The following SREBF2 variants were observed in gnomAD, a reference collection of about 807,000 sequenced individuals.
SREBF2 encodes the protein sterol regulatory element binding transcription factor 2, also known as sterol regulatory element-binding protein 2.
SREBF2 carries 55 observed loss-of-function variants against 113.1 expected under a neutral mutation model. The observed-to-expected ratio is 0.49, with a 90% CI of 0.39 to 0.61. SREBF2 has a LOEUF of 0.61. SREBF2 is among the 20% of genes least tolerant of loss of function. The probability of loss-of-function intolerance (pLI) is 0.00; values close to 1 mark genes in which losing one functional copy is unlikely to be tolerated. For synonymous variants in SREBF2, 593 were observed against 605.7 expected, an observed-to-expected ratio of 0.98 and a Z score of 0.31; for missense variants, 1,349 against 1,487.4, an observed-to-expected ratio of 0.91 and a Z score of 1.53.
At chr22:41,879,757 A>G (rs769481432) in intron 9 of SREBF2, among the ~76,000 whole-genome samples, 14 of 152,176 alleles carry the variant, frequency 9.2e-5, no homozygotes, top group Admixed American at 2.0e-4. Context: ...TCCCAAGACT[A>G]TATAGCCTGT....
At position 41,906,161 on chromosome 22, in the gene SREBF2, C is replaced by CAACTT. The variant is rs2077507102; in HGVS notation, c.*501_*502insAACTT. On this transcript the variant is annotated 3_prime_UTR_variant, in exon 19 of 19. Transcript: ENST00000361204. ...ATGATGCGAGGCTGAGTTGCTGTAG[C>CAACTT]GTCTTGATTCTCTCCCTGGGTCTGC... 4 of 370,280 alleles carry CAACTT rather than the reference C, an allele frequency of 1.1e-5. No individual in the cohort carries two copies. The highest frequency in any genetic ancestry group is 2.1e-5 in the African/African-American group (1 of 47,134). The allele number at this position is 370,280 out of a possible 1,614,324, so 22.9% of individuals were successfully genotyped here. A position where few individuals can be genotyped will look rare whatever the true frequency, so the allele number is the denominator to read the frequency against.
At chr22:41,881,029 G>A (rs757737120) in intron 10 of SREBF2, 37 bp downstream of exon 10, 2 of 1,596,854 alleles carry the variant, frequency 1.3e-6, no homozygotes, top group South Asian at 1.1e-5. Flanking sequence ...CTTGCTGCAA[G>A]GCATCTCATG....
At chr22:41,904,836 A>T in intron 17 of SREBF2, 27 bp from the exon 18 acceptor site, 3 of 1,546,678 alleles carry the variant, frequency 1.9e-6, no homozygotes, top group Non-Finnish European at 2.6e-6. Context: ...CAGGGGTGTG[A>T]TGGATGTCAC....
intron 1 of SREBF2, among the ~76,000 whole-genome samples, chr22:41,844,027 A>C (rs954939689): frequency 2.2e-5 from 1 of 45,910 alleles, no homozygotes; most frequent in African/African-American, 7.5e-5. Context: ...AAAAAAAAAA[A>C]ATACATACAC....
chr22:41,885,171 C>G (rs1324621103), intron 11 of SREBF2, among the ~76,000 whole-genome samples, 160 bp downstream of exon 11: 1 of 152,226 alleles, frequency 6.6e-6, no homozygotes, highest in East Asian at 1.9e-4. Context: ...CCAGGACTCC[C>G]AGCAACCGAT....
At chr22:41,882,597 GGAGTTCGA>G (rs2148398611) in intron 10 of SREBF2, among the ~76,000 whole-genome samples, 1 of 152,358 alleles carries the variant, frequency 6.6e-6, no homozygotes, top group Admixed American at 6.5e-5. Context: ...CCTGAGGTCA[GGAGTTCGA>G]GACCTGCCTG....
At chr22:41,878,541 A>C (rs2077218128) in intron 9 of SREBF2, 1 of 598,012 alleles carries the variant, frequency 1.7e-6, no homozygotes, top group Non-Finnish European at 2.7e-6. Context: ...GTCTAGGCCC[A>C]AATTGGAGAG....
chr22:41,863,088 T>C (rs184329694), intron 1 of SREBF2, among the ~76,000 whole-genome samples: 141 of 152,174 alleles, frequency 9.3e-4, no homozygotes, highest in Non-Finnish European at 1.6e-3. Context: ...GCTCTGGAAG[T>C]ACCGCCAACA....
chr22:41,849,637 C>T (rs2076908715), intron 1 of SREBF2, among the ~76,000 whole-genome samples: 1 of 152,130 alleles, frequency 6.6e-6, no homozygotes, highest in Non-Finnish European at 1.5e-5. Context: ...AAAATGTATA[C>T]TTAAAAAGAG....
intron 1 of SREBF2, among the ~76,000 whole-genome samples, chr22:41,844,043 C>CAA (rs2076855321): frequency 7.0e-6 from 1 of 143,554 alleles, no homozygotes. Flanking sequence ...TACACACACA[C>CAA]ACACACACAC....
intron 2 of SREBF2, among the ~76,000 whole-genome samples, chr22:41,867,853 T>C (rs1213749973): frequency 6.6e-6 from 1 of 151,952 alleles, no homozygotes; most frequent in Non-Finnish European, 1.5e-5. Flanking sequence ...CACAGGGCCA[T>C]TCTGATAACT....
At chr22:41,839,467 A>G (rs1056434922) in intron 1 of SREBF2, among the ~76,000 whole-genome samples, 3 of 152,142 alleles carry the variant, frequency 2.0e-5, no homozygotes, top group Non-Finnish European at 2.9e-5. Flanking sequence ...AAGGCCATGC[A>G]AGGAGTCGTG....
intron 11 of SREBF2, among the ~76,000 whole-genome samples, chr22:41,889,612 G>A (rs1418974138): frequency 6.6e-6 from 1 of 151,740 alleles, no homozygotes; most frequent in African/African-American, 2.4e-5. Context: ...CTGAAACCAC[G>A]AGTTTGAGGC....
intron 1 of SREBF2, among the ~76,000 whole-genome samples, chr22:41,860,064 C>A (rs910196171): frequency 1.8e-4 from 27 of 151,920 alleles, no homozygotes; most frequent in African/African-American, 6.3e-4. Flanking sequence ...CTCGGCCTCC[C>A]AAAGTGCTGG....
intron 17 of SREBF2, among the ~76,000 whole-genome samples, chr22:41,903,773 G>A (rs894240304): frequency 1.3e-5 from 2 of 152,216 alleles, no homozygotes; most frequent in African/African-American, 4.8e-5. Context: ...CACGGGCTGG[G>A]CTGGAAGAAG....
Position 41,877,382 on chromosome 22 carries a change from C to T in SREBF2, c.1540C>T (p.His514Tyr), listed in dbSNP as rs745315840. 1 of 1,614,188 alleles carries T rather than the reference C, an allele frequency of 6.2e-7. No individual in the cohort carries two copies. The highest frequency in any genetic ancestry group is 1.1e-5 in the South Asian group (1 of 91,080). ...GGCCCACGACTCTGACCAGCACCCACACTCAGGCTCTGGCCGCAGTGTCCT... is the reference window on the plus strand; with the variant it reads ...GGCCCACGACTCTGACCAGCACCCATACTCAGGCTCTGGCCGCAGTGTCCT... ...GGAHDSDQHP[H>Y]SGSGRSVLSF... Residue 514 changes from histidine to tyrosine, a missense_variant, in exon 8 of 19, where the codon CAC becomes TAC. Transcript: ENST00000361204.
At chr22:41,895,076 T>A in intron 13 of SREBF2, 139 bp downstream of exon 13, 1 of 712,340 alleles carries the variant, frequency 1.4e-6, no homozygotes, top group Non-Finnish European at 2.5e-6. Flanking sequence ...CCTTTGTATT[T>A]AATTTCTCAA....
At position 41,833,691 on chromosome 22, in the gene SREBF2, C is replaced by T; in HGVS notation, c.88+333C>T. On this transcript the variant is annotated intron_variant, in intron 1 of 18. Transcript: ENST00000361204. The surrounding 1 kb of genome is among the most constrained non-coding windows in gnomAD (Gnocchi z 4.1). ...GCGCGTGGCCGCCGCCTCCCTCGCGCGCCCACACGCGGTTTCCGTGGTCCG... is the reference window on the plus strand; with the variant it reads ...GCGCGTGGCCGCCGCCTCCCTCGCGTGCCCACACGCGGTTTCCGTGGTCCG... 4.5e-6 allele frequency: 1 copy of T among 221,700 alleles called. No homozygotes were observed. Among genetic ancestry groups the T allele is most frequent in the Non-Finnish European group, 8.9e-6 (1 of 112,962 alleles). The allele number at this position is 221,700 out of a possible 1,614,324, so 13.7% of individuals were successfully genotyped here.
rs147163641 is a variant in SREBF2 at position 41,904,935 on chromosome 22, C to A, written c.3166C>A (p.His1056Asn). ...SPTRTHQLLEHSLRRRTTQST... is the reference protein window; with the variant it reads ...SPTRTHQLLENSLRRRTTQST... ...CACCCGCACCCACCAGCTGCTGGAA[C>A]ACAGCCTGCGGCGGCGCACCACGCA... Residue 1056 changes from histidine to asparagine, a missense_variant, in exon 18 of 19, where the codon CAC becomes AAC. By Grantham distance (68) the His-to-Asn change is moderately conservative. Around this residue, in one of 2 missense-constraint regions of SREBF2, gnomAD observed 650 missense variants for 644.1 expected, o/e 1.01. Transcript: ENST00000361204. 259 of 1,605,084 alleles carry A rather than the reference C, an allele frequency of 1.6e-4. 1 individual carries two copies. The highest frequency in any genetic ancestry group is 2.0e-4 in the Non-Finnish European group (238 of 1,178,686).
Sources: gnomAD v4.1 joint callset for allele counts (sites outside exome capture counted in the v4.1 genomes callset) on GRCh38, gnomAD v4.1.1 for gene constraint, gnomAD v4.1.1 regional missense constraint, Gnocchi (gnomAD v3.1) non-coding constraint, MANE v1.5 for transcripts, NCBI Gene and HGNC (gene_info 2026-07-23, HGNC 2026-07-21) for gene names.